LAMB4: variants seen among roughly 807,000 people sequenced by gnomAD.
LAMB4 encodes laminin subunit beta-4.
LAMB4 carries 196 observed loss-of-function variants against 199.2 expected under a neutral mutation model. The ratio of observed to expected loss-of-function variants is 0.98; its 90% CI spans 0.88 to 1.11. LAMB4 has a LOEUF of 1.11. Among genes scored for constraint, LAMB4 ranks in the 50% least tolerant of loss-of-function variants. The pLI is 0.00. For missense variants in LAMB4, 2,080 were observed against 2,171.2 expected, an observed-to-expected ratio of 0.96 and a Z score of 0.83; for synonymous variants, 744 against 770.6, an observed-to-expected ratio of 0.97 and a Z score of 0.57.
At chr7:108,084,879 G>C (rs1426155907) in intron 14 of LAMB4, among the ~76,000 whole-genome samples, 2 of 147,144 alleles carry the variant, frequency 1.4e-5, no homozygotes, top group African/African-American at 5.0e-5. Context: ...GAGTAGTTGG[G>C]ACCACCAGCA....
chr7:108,129,274 T>C (rs1456133505), intron 1 of LAMB4, among the ~76,000 whole-genome samples: 3 of 152,252 alleles, frequency 2.0e-5, no homozygotes, highest in Non-Finnish European at 4.4e-5. Flanking sequence ...ATTCCGCTCC[T>C]GTTTCTACTA....
chr7:108,056,047 C>A (rs948129145), intron 24 of LAMB4, 40 bp from the exon 25 acceptor site: 3 of 1,545,738 alleles, frequency 1.9e-6, no homozygotes, highest in Non-Finnish European at 2.6e-6. Context: ...TGTCACTGGG[C>A]CTTTTGTTGA....
In LAMB4 at chr7:108,066,535, AG is replaced by A; in HGVS notation, c.2511del (p.Cys838AlafsTer99). 6.2e-7 allele frequency: 1 copy of A among 1,614,012 alleles called. No individual in the cohort carries two copies. Among genetic ancestry groups the A allele is most frequent in the Non-Finnish European group, 8.5e-7 (1 of 1,179,978 alleles). On this transcript the variant is annotated frameshift_variant, in exon 20 of 34. Coordinates refer to ENST00000388781, the MANE Select transcript of LAMB4 (RefSeq NM_007356.3). LOFTEE classifies it high-confidence loss of function. The part of the protein sequence containing the change: ...TVCDQVTGQC[P>X]CHGEVSGRRC... ...CGGCGGCCAGACACCTCTCCATGGC[AG>A]GGGCACTGTCCTGTTACTTGGTCAC...
chr7:108,051,682 GTTTT>G (rs950296130), intron 26 of LAMB4, among the ~76,000 whole-genome samples: 1 of 151,510 alleles, frequency 6.6e-6, no homozygotes, highest in East Asian at 1.9e-4. Context: ...ATATTGTGGG[GTTTT>G]TTTTGCCTCA....
In LAMB4 at chr7:108,025,408, T is replaced by TCTTTC. The variant is rs1554420552; in HGVS notation, c.5147-1235_5147-1231dup. ...CTTTTCTTTTCTTTCTTTCTTTCTTTCTTTCTTTCTTCTTTCTTTCTTTCT... is the reference window on the plus strand; with the variant it reads ...CTTTTCTTTTCTTTCTTTCTTTCTTTCTTTCCTTTCTTTCTTCTTTCTTTCTTTCT... On this transcript the variant is annotated intron_variant, in intron 33 of 33. Coordinates refer to ENST00000388781, the MANE Select transcript of LAMB4 (RefSeq NM_007356.3). 3.7e-4 allele frequency among the ~76,000 whole-genome samples: 47 copies of TCTTTC among 128,278 alleles called. 4 individuals carry two copies. The highest frequency in any genetic ancestry group is 2.0e-3 in the African/African-American group (44 of 22,304). 84.2% of individuals were successfully genotyped at this position (128,278 alleles called of 152,430 possible).
intron 15 of LAMB4, among the ~76,000 whole-genome samples, chr7:108,079,351 C>T (rs1414514362): frequency 6.6e-6 from 1 of 152,176 alleles, no homozygotes; most frequent in Non-Finnish European, 1.5e-5. Context: ...GTCACCACTT[C>T]CTTAAATCTG....
Position 108,066,459 on chromosome 7 carries a change from C to G in LAMB4, c.2588G>C (p.Cys863Ser). 6.2e-7 allele frequency: 1 copy of G among 1,614,186 alleles called. No individual in the cohort carries two copies. Among genetic ancestry groups the G allele is most frequent in the African/African-American group, 1.3e-5 (1 of 75,058 alleles). The change falls in exon 20 of 34, where the codon TGC (cysteine) becomes TCC (serine). Residue 863 changes from cysteine (C) to serine (S), a missense_variant. Coordinates refer to ENST00000388781, the MANE Select transcript of LAMB4 (RefSeq NM_007356.3). ...AAGTTCAGCAAACCTATTACAAGGG[C>G]AAGGGTGGCAGCTGGGAAATCCAAA... ...GYFGFPSCHP[C>S]PCNRFAELCD... is the part of the protein sequence containing the mutation.
intron 18 of LAMB4, among the ~76,000 whole-genome samples, chr7:108,069,167 G>T (rs551780995): frequency 6.6e-6 from 1 of 152,302 alleles, no homozygotes; most frequent in East Asian, 1.9e-4. Context: ...TGTCCCTTAG[G>T]TGACATTTGA....
chr7:108,083,645 G>A (rs1353643919), intron 14 of LAMB4, among the ~76,000 whole-genome samples: 2 of 152,134 alleles, frequency 1.3e-5, no homozygotes, highest in African/African-American at 4.8e-5. Context: ...TCACAAACTT[G>A]GAAATGAAAC....
chr7:108,066,797 T>C (rs2036360473), intron 19 of LAMB4, among the ~76,000 whole-genome samples, 197 bp from the exon 20 acceptor site: 1 of 152,176 alleles, frequency 6.6e-6, no homozygotes, highest in Non-Finnish European at 1.5e-5. Flanking sequence ...ATAAACAGTA[T>C]GTTGCGAACA....
At chr7:108,078,451 G>C in intron 15 of LAMB4, 135 bp from the exon 16 acceptor site, 1 of 603,444 alleles carries the variant, frequency 1.7e-6, no homozygotes, top group Non-Finnish European at 3.0e-6. Flanking sequence ...GAGTTTTGGA[G>C]TTGAAAGAGT....
chr7:108,091,844 G>T, intron 13 of LAMB4, 68 bp from the exon 14 acceptor site: 3 of 1,504,714 alleles, frequency 2.0e-6, no homozygotes, highest in South Asian at 1.2e-5. Context: ...GTGTAGGGGT[G>T]CTGGGCTAAT....
intron 14 of LAMB4, among the ~76,000 whole-genome samples, chr7:108,080,934 C>T (rs35422278): frequency 3.9e-5 from 6 of 151,974 alleles, no homozygotes; most frequent in South Asian, 4.2e-4. Flanking sequence ...CCAGCCTGGC[C>T]AACATGGTGA....
chr7:108,083,310 A>G (rs1170681925), intron 14 of LAMB4, among the ~76,000 whole-genome samples: 1 of 152,160 alleles, frequency 6.6e-6, no homozygotes, highest in Non-Finnish European at 1.5e-5. Flanking sequence ...CCATCCATAT[A>G]TTCTATGAAA....
chr7:108,116,969 C>T (rs906186346), intron 2 of LAMB4, among the ~76,000 whole-genome samples: 13 of 152,226 alleles, frequency 8.5e-5, no homozygotes, highest in African/African-American at 3.1e-4. Context: ...CCCAGGTATT[C>T]AAGTCTATAG....
chr7:108,120,504 T>G (rs2038560947), intron 2 of LAMB4, among the ~76,000 whole-genome samples: 1 of 152,242 alleles, frequency 6.6e-6, no homozygotes, highest in Non-Finnish European at 1.5e-5. Flanking sequence ...GGCACATTTC[T>G]TTCTCTTCTG....
chr7:108,034,039 G>C (rs562910313), intron 31 of LAMB4, among the ~76,000 whole-genome samples, 169 bp downstream of exon 31: 1 of 151,926 alleles, frequency 6.6e-6, no homozygotes, highest in East Asian at 1.9e-4. Flanking sequence ...ACGGTGAGAC[G>C]TGCTCTGTAG....
At chr7:108,094,914 C>T (rs995387569) in intron 12 of LAMB4, among the ~76,000 whole-genome samples, 1 of 152,070 alleles carries the variant, frequency 6.6e-6, no homozygotes, top group Non-Finnish European at 1.5e-5. Flanking sequence ...AAAACATAGA[C>T]AGATAAATGT....
Position 108,066,612 on chromosome 7 carries a change from A to C in LAMB4, c.2447-12T>G, listed in dbSNP as rs2036352165. On this transcript the variant is annotated splice_polypyrimidine_tract_variant and intron_variant, in intron 19 of 33. Transcript: ENST00000388781. ...ATGGCAGTGACATGCTGGATGAAGC[A>C]AAGAGAAGTATGCTGGAGCGGGGAT... is the stretch of plus-strand genomic sequence containing the variant. 6.4e-7 allele frequency: 1 copy of C among 1,552,450 alleles called. No homozygotes were observed. The highest frequency in any genetic ancestry group is 8.8e-7 in the Non-Finnish European group (1 of 1,131,738).
Sources: gnomAD v4.1 joint callset for allele counts (sites outside exome capture counted in the v4.1 genomes callset) on GRCh38, gnomAD v4.1.1 for gene constraint, MANE v1.5 for transcripts, NCBI Gene and HGNC (gene_info 2026-07-23, HGNC 2026-07-21) for gene names.